Variants in CSNK1G1 observed in about 807,000 individuals in gnomAD.
CSNK1G1 encodes the protein casein kinase 1 gamma 1.
A neutral mutation model predicts 59.6 loss-of-function variants in CSNK1G1; 22 were observed. That is an observed-to-expected ratio of 0.37 (90% CI 0.26 to 0.53). The LOEUF is 0.53. Among genes scored for constraint, CSNK1G1 ranks in the 20% least tolerant of loss-of-function variants. The pLI is 0.89. For missense variants in CSNK1G1, 384 were observed against 519.5 expected (o/e 0.74, Z 2.54); for synonymous variants, 179 against 177.1 (o/e 1.01, Z -0.08).
intron 1 of CSNK1G1, among the ~76,000 whole-genome samples, chr15:64,311,134 A>G (rs1895974543): frequency 6.6e-6 from 1 of 151,812 alleles, no homozygotes; most frequent in Non-Finnish European, 1.5e-5. Flanking sequence ...GCTCACTGCA[A>G]CTTCCACCTC....
intron 2 of CSNK1G1, among the ~76,000 whole-genome samples, chr15:64,269,684 G>C (rs1415695139): frequency 1.3e-5 from 2 of 152,112 alleles, no homozygotes; most frequent in Admixed American, 1.3e-4. Flanking sequence ...AGCAGAGACA[G>C]GGTTTTGCCA....
chr15:64,173,808 T>C (rs1207124728), intron 11 of CSNK1G1, among the ~76,000 whole-genome samples: 3 of 152,012 alleles, frequency 2.0e-5, no homozygotes, highest in African/African-American at 7.3e-5. Context: ...GAGACGGGGT[T>C]TCACCATGTT....
At chr15:64,213,050 A>C (rs2140262778) in intron 6 of CSNK1G1, among the ~76,000 whole-genome samples, 1 of 152,286 alleles carries the variant, frequency 6.6e-6, no homozygotes, top group Non-Finnish European at 1.5e-5. Context: ...GCAATAGTTC[A>C]CTAATATTTA....
Position 64,210,930 on chromosome 15 carries a change from G to A in CSNK1G1, c.679+2960C>T, listed in dbSNP as rs910010038. Among the ~76,000 whole-genome samples the A allele has an allele frequency of 2.0e-5, 3 of 152,092 alleles. No homozygotes were observed. Among genetic ancestry groups the A allele is most frequent in the Non-Finnish European group, 4.4e-5 (3 of 68,012 alleles). On this transcript the variant is annotated intron_variant, in intron 6 of 11. Coordinates refer to ENST00000303052, the MANE Select transcript of CSNK1G1 (RefSeq NM_022048.5). The surrounding 1 kb of genome is among the most constrained non-coding windows in gnomAD (Gnocchi z 4.2). ...AAAGCAGGTTGGTGAGAAGAGCCTA[G>A]CACCCCCCTTCCCATGTGATCTGCA...
chr15:64,307,075 C>T (rs1735290800), intron 1 of CSNK1G1, among the ~76,000 whole-genome samples: 1 of 152,174 alleles, frequency 6.6e-6, no homozygotes, highest in South Asian at 2.1e-4. Flanking sequence ...TGTCATTATA[C>T]ATTTGTCCAA....
At chr15:64,194,514 T>G (rs944496388) in intron 10 of CSNK1G1, among the ~76,000 whole-genome samples, 3 of 145,680 alleles carry the variant, frequency 2.1e-5, no homozygotes, top group African/African-American at 5.3e-5. Flanking sequence ...TTTCTTTTCT[T>G]TTCTTTTTTT....
intron 1 of CSNK1G1, among the ~76,000 whole-genome samples, chr15:64,321,454 G>T (rs931488170): frequency 3.3e-5 from 5 of 151,912 alleles, no homozygotes; most frequent in Non-Finnish European, 7.4e-5. Context: ...GAAGAGACTA[G>T]GTTGTGCTAT....
chr15:64,277,893 T>G (rs1893818626), intron 2 of CSNK1G1, among the ~76,000 whole-genome samples: 1 of 138,566 alleles, frequency 7.2e-6, no homozygotes, highest in African/African-American at 2.6e-5. Context: ...ATATTTAATA[T>G]ATTGATATTG....
At chr15:64,246,420 A>C (rs1226700373) in intron 4 of CSNK1G1, among the ~76,000 whole-genome samples, 1 of 152,098 alleles carries the variant, frequency 6.6e-6, no homozygotes, top group Non-Finnish European at 1.5e-5. Flanking sequence ...CCAAGAGTTC[A>C]AGACCAGCCT....
intron 10 of CSNK1G1, among the ~76,000 whole-genome samples, chr15:64,185,716 T>C (rs2081883346): frequency 6.6e-6 from 1 of 151,896 alleles, no homozygotes; most frequent in Non-Finnish European, 1.5e-5. Context: ...ATCCAAAAAT[T>C]AGCTGGGTGT....
At chr15:64,253,454 C>A (rs1389678259) in intron 3 of CSNK1G1, among the ~76,000 whole-genome samples, 6 of 151,982 alleles carry the variant, frequency 3.9e-5, no homozygotes, top group Admixed American at 3.9e-4. Flanking sequence ...AAACTGGAAC[C>A]CTTGTGCACT....
At chr15:64,179,743 G>C (rs951613870) in intron 11 of CSNK1G1, among the ~76,000 whole-genome samples, 2 of 152,162 alleles carry the variant, frequency 1.3e-5, no homozygotes, top group Admixed American at 1.3e-4. Context: ...GGTATGGGTG[G>C]GGCAAGACAT....
At chr15:64,235,746 T>A (rs922517376) in intron 4 of CSNK1G1, among the ~76,000 whole-genome samples, 1 of 152,198 alleles carries the variant, frequency 6.6e-6, no homozygotes, top group Non-Finnish European at 1.5e-5. Flanking sequence ...TTGGCAATGA[T>A]TGTGCAACTC....
chr15:64,235,672 C>T (rs2082604708), intron 4 of CSNK1G1, among the ~76,000 whole-genome samples: 1 of 152,084 alleles, frequency 6.6e-6, no homozygotes, highest in South Asian at 2.1e-4. Context: ...TTATCTTCCC[C>T]GCAAGGTAGA....
intron 2 of CSNK1G1, among the ~76,000 whole-genome samples, chr15:64,277,890 ATATAT>A (rs1195014190): frequency 7.9e-5 from 11 of 139,390 alleles, no homozygotes; most frequent in African/African-American, 3.0e-4. Context: ...GATATATTTA[ATATAT>A]TGATATTGAT....
rs2081738183 is a variant in CSNK1G1 at position 64,176,050 on chromosome 15, A to G, written c.1215-4065T>C. 6.6e-6 allele frequency among the ~76,000 whole-genome samples: 1 copy of G among 152,244 alleles called. No individual in the cohort carries two copies. Among genetic ancestry groups the G allele is most frequent in the African/African-American group, 2.4e-5 (1 of 41,458 alleles). Reference sequence around the variant, plus strand: ...ACTGTTATGGCAGGAGGAGACAGCGATAAGATGGGTTTGAAAGAAGGAATA... The same window carrying G: ...ACTGTTATGGCAGGAGGAGACAGCGGTAAGATGGGTTTGAAAGAAGGAATA... On this transcript the variant is annotated intron_variant, in intron 11 of 11. Coordinates refer to ENST00000303052, the MANE Select transcript of CSNK1G1 (RefSeq NM_022048.5). This position sits in a 1 kb window ranked among gnomAD's most constrained non-coding sequence, Gnocchi z 5.2.
chr15:64,351,518 C>G (rs1898283902), intron 1 of CSNK1G1, among the ~76,000 whole-genome samples: 1 of 152,192 alleles, frequency 6.6e-6, no homozygotes, highest in Non-Finnish European at 1.5e-5. Flanking sequence ...CGTCTCTATT[C>G]ATTGCACACA....
intron 2 of CSNK1G1, among the ~76,000 whole-genome samples, chr15:64,277,836 TTGATATATTTAATAA>T (rs1893803480): frequency 1.4e-5 from 2 of 138,964 alleles, no homozygotes; most frequent in Non-Finnish European, 3.0e-5. Context: ...AATAATAATA[TTGATATATTTAATAA>T]TAATATTGAT....
In CSNK1G1 at chr15:64,341,301, G is replaced by A. The variant is rs62022688; in HGVS notation, c.-225+14687C>T. Among the ~76,000 whole-genome samples, 2 of 2,604 alleles carry A rather than the reference G, an allele frequency of 7.7e-4. 1 individual carries two copies. Among genetic ancestry groups the A allele is most frequent in the Non-Finnish European group, 0.11 (2 of 18 alleles). The allele number at this position is 2,604 out of a possible 152,430, so 1.7% of individuals were successfully genotyped here. On this transcript the variant is annotated intron_variant, in intron 1 of 11. Coordinates refer to ENST00000303052, the MANE Select transcript of CSNK1G1 (RefSeq NM_022048.5). Reference sequence around the variant, plus strand: ...ATTACAGGCGTGAGCCACCGCGCCCGGCCAATTTTTATCTTTTTAGTAGAG... The same window carrying A: ...ATTACAGGCGTGAGCCACCGCGCCCAGCCAATTTTTATCTTTTTAGTAGAG...
Sources: gnomAD v4.1 joint callset for allele counts (sites outside exome capture counted in the v4.1 genomes callset) on GRCh38, gnomAD v4.1.1 for gene constraint, Gnocchi (gnomAD v3.1) non-coding constraint, MANE v1.5 for transcripts, NCBI Gene and HGNC (gene_info 2026-07-23, HGNC 2026-07-21) for gene names.